SLCO4C1: variants seen among roughly 807,000 people sequenced by gnomAD.
The protein encoded by SLCO4C1 is organic anion transporter M1.
Under a neutral mutation model 72.1 loss-of-function variants are expected in SLCO4C1, and 58 were observed. The ratio of observed to expected loss-of-function variants is 0.80; its 90% CI spans 0.65 to 1.00. SLCO4C1 has a LOEUF of 1.00. SLCO4C1 is among the 50% of genes least tolerant of loss of function. SLCO4C1 has a pLI of 0.00. For synonymous variants in SLCO4C1, 297 were observed against 312.5 expected (o/e 0.95, Z 0.52); for missense variants, 898 against 857.9 (o/e 1.05, Z -0.58).
rs77578897 is a variant in SLCO4C1, at chr5:102,284,963, T to A, written c.619+6380A>T. Among the ~76,000 whole-genome samples, 476 of 152,290 alleles carry A rather than the reference T, an allele frequency of 3.1e-3. 1 individual carries two copies. The highest frequency in any genetic ancestry group is 0.011 in the African/African-American group (442 of 41,576). ...TTTCATGATGATTGTGAAACTCCTA[T>A]TTTAAAGGAAGACATAAAGCAATAA... is the stretch of plus-strand genomic sequence containing the variant. On this transcript the variant is annotated intron_variant, in intron 2 of 12. Transcript: ENST00000310954.
At position 102,239,728 on chromosome 5, in the gene SLCO4C1, A is replaced by C. The variant is rs114298239; in HGVS notation, c.1877-340T>G. On this transcript the variant is annotated intron_variant, in intron 11 of 12. Coordinates refer to ENST00000310954, the MANE Select transcript of SLCO4C1 (RefSeq NM_180991.5). ...TTAGCTATTATACTTGTTAAAAATC[A>C]AAATAAATTATTCATGATGCACAAA... Among the ~76,000 whole-genome samples the C allele has an allele frequency of 1.7e-3, 262 of 152,210 alleles. 3 individuals carry two copies. The highest frequency in any genetic ancestry group is 6.2e-3 in the African/African-American group (257 of 41,572).
chr5:102,262,499 G>T (rs983942044), intron 4 of SLCO4C1, among the ~76,000 whole-genome samples: 1 of 151,996 alleles, frequency 6.6e-6, no homozygotes, highest in African/African-American at 2.4e-5. Flanking sequence ...TTGAAACAGG[G>T]TCTCAGTCTG....
rs544032240 is a variant in SLCO4C1, at chr5:102,236,594, G to T, written c.*264C>A. ...TGTGTATGTGTGCGTGTGTGTGTGT[G>T]TGTGTGTGTTCGTGTGTGTGTGTGT... On this transcript the variant is annotated 3_prime_UTR_variant, in exon 13 of 13. Coordinates refer to ENST00000310954, the MANE Select transcript of SLCO4C1 (RefSeq NM_180991.5). The T allele has an allele frequency of 1.2e-4, 40 of 342,544 alleles. No homozygotes were observed. The highest frequency in any genetic ancestry group is 1.4e-4 in the Non-Finnish European group (27 of 190,484). 21.2% of individuals were successfully genotyped at this position (342,544 alleles called of 1,614,324 possible). A position where few individuals can be genotyped will look rare whatever the true frequency, so the allele number is the denominator to read the frequency against.
rs1182021249 is a variant in SLCO4C1 at position 102,291,465 on chromosome 5, C to G, written c.497G>C (p.Gly166Ala). Residue 166 changes from glycine (G) to alanine (A), a missense_variant, in exon 2 of 13, where the codon GGT becomes GCT. Transcript: ENST00000310954. ...CLLSLFVSFF[G>A]ERGHKPRWLA... ...CCATCTCGGCTTATGTCCTCTTTCACCAAAGAATGATACAAATAAAGACAA... is the reference window on the plus strand; with the variant it reads ...CCATCTCGGCTTATGTCCTCTTTCAGCAAAGAATGATACAAATAAAGACAA... The G allele has an allele frequency of 6.2e-7, 1 of 1,613,926 alleles. No homozygotes were observed. Among genetic ancestry groups the G allele is most frequent in the Non-Finnish European group, 8.5e-7 (1 of 1,180,014 alleles).
intron 3 of SLCO4C1, among the ~76,000 whole-genome samples, chr5:102,269,796 C>T (rs918001386): frequency 3.9e-5 from 6 of 152,028 alleles, no homozygotes; most frequent in African/African-American, 1.4e-4. Flanking sequence ...TATATTGATA[C>T]CTGCACAGTT....
chr5:102,249,888 T>C, intron 8 of SLCO4C1, 100 bp from the exon 9 acceptor site: 1 of 1,166,752 alleles, frequency 8.6e-7, no homozygotes, highest in East Asian at 2.4e-5. Flanking sequence ...ATTTATTCAC[T>C]CACTCAACAC....
At chr5:102,265,265 G>GA (rs1561373865) in intron 3 of SLCO4C1, among the ~76,000 whole-genome samples, 1 of 152,068 alleles carries the variant, frequency 6.6e-6, no homozygotes, top group Non-Finnish European at 1.5e-5. Context: ...CTGTTTTATA[G>GA]GTTGTCTCTA....
chr5:102,276,667 T>A (rs1749252010), intron 2 of SLCO4C1, among the ~76,000 whole-genome samples: 1 of 152,168 alleles, frequency 6.6e-6, no homozygotes, highest in African/African-American at 2.4e-5. Context: ...CCTAAGTGAA[T>A]CTTGCAGTCC....
chr5:102,259,278 G>A (rs1748894178), intron 6 of SLCO4C1, among the ~76,000 whole-genome samples: 1 of 151,880 alleles, frequency 6.6e-6, no homozygotes. Flanking sequence ...TCTCTAAGCA[G>A]GAGGACACAA....
intron 6 of SLCO4C1, among the ~76,000 whole-genome samples, chr5:102,258,521 A>C (rs558288414): frequency 6.6e-6 from 1 of 152,186 alleles, no homozygotes; most frequent in Non-Finnish European, 1.5e-5. Context: ...CTAAGTATCA[A>C]ATTAATAGTA....
At chr5:102,262,451 T>C (rs778824083) in intron 4 of SLCO4C1, among the ~76,000 whole-genome samples, 6 of 152,128 alleles carry the variant, frequency 3.9e-5, no homozygotes, top group Non-Finnish European at 7.4e-5. Context: ...AATGTAAAAT[T>C]AGTCTTAAAG....
intron 2 of SLCO4C1, among the ~76,000 whole-genome samples, chr5:102,277,497 T>C (rs1218956893): frequency 3.3e-5 from 5 of 152,060 alleles, no homozygotes; most frequent in Non-Finnish European, 5.9e-5. Flanking sequence ...TAGTTGGAAT[T>C]AGGCCATACT....
chr5:102,261,995 G>A lies in SLCO4C1; in HGVS notation c.938C>T (p.Ala313Val), dbSNP rs770307934. The A allele has an allele frequency of 6.2e-7, 1 of 1,612,948 alleles. No individual in the cohort carries two copies. The highest frequency in any genetic ancestry group is 1.1e-5 in the South Asian group (1 of 91,030). The change falls in exon 5 of 13, where the codon GCT becomes GTT. Residue 313 changes from alanine (A) to valine (V), a missense_variant. Ala to Val is a moderately conservative substitution (Grantham distance 64). Coordinates refer to ENST00000310954, the MANE Select transcript of SLCO4C1 (RefSeq NM_180991.5). ...TGATAGAAGAAACCCAATCCACCAA[G>A]CTCCCAACCATCGCGGATCATCCTC... ...VTEDDPRWLG[A>V]WWIGFLLSWI...
chr5:102,280,791 G>A (rs969124324), intron 2 of SLCO4C1, among the ~76,000 whole-genome samples: 4 of 152,004 alleles, frequency 2.6e-5, no homozygotes, highest in African/African-American at 9.7e-5. Context: ...ACAGCATGGG[G>A]GAAACCACCC....
At chr5:102,248,158 C>T (rs1427770557) in intron 9 of SLCO4C1, among the ~76,000 whole-genome samples, 1 of 151,944 alleles carries the variant, frequency 6.6e-6, no homozygotes, top group African/African-American at 2.4e-5. Flanking sequence ...AGCAGTTAGT[C>T]AAGGTCAGAT....
intron 2 of SLCO4C1, among the ~76,000 whole-genome samples, chr5:102,273,900 T>A (rs2112380303): frequency 6.6e-6 from 1 of 152,206 alleles, no homozygotes; most frequent in Non-Finnish European, 1.5e-5. Flanking sequence ...ATCAAACAAT[T>A]TCTGACCAAA....
intron 3 of SLCO4C1, among the ~76,000 whole-genome samples, chr5:102,270,182 T>G (rs1320490940): frequency 6.6e-6 from 1 of 152,164 alleles, no homozygotes; most frequent in Non-Finnish European, 1.5e-5. Flanking sequence ...TAAGAGAAAC[T>G]TATGCTACCA....
chr5:102,251,187 A>AGCCACATGGGCCT (rs1163200080), intron 8 of SLCO4C1, among the ~76,000 whole-genome samples: 1 of 152,166 alleles, frequency 6.6e-6, no homozygotes, highest in Non-Finnish European at 1.5e-5. Context: ...TTTAATTGAG[A>AGCCACATGGGCCT]GCCACATGGG....
chr5:102,239,793 G>T (rs115171951), intron 11 of SLCO4C1, among the ~76,000 whole-genome samples: 1,816 of 151,990 alleles, frequency 0.012, 42 homozygotes, highest in African/African-American at 0.042. Flanking sequence ...ATCTATGTGG[G>T]TGTGCATGTG....
Sources: gnomAD v4.1 joint callset for allele counts (sites outside exome capture counted in the v4.1 genomes callset) on GRCh38, gnomAD v4.1.1 for gene constraint, MANE v1.5 for transcripts, NCBI Gene and HGNC (gene_info 2026-07-23, HGNC 2026-07-21) for gene names.